The following IPO7 variants were observed in gnomAD, a reference collection of about 807,000 sequenced individuals.
IPO7 encodes the protein importin-7.
A neutral mutation model predicts 136.4 loss-of-function variants in IPO7; 13 were observed. The ratio of observed to expected loss-of-function variants is 0.10; its 90% CI spans 0.06 to 0.15. The LOEUF is 0.15. IPO7 is among the 10% of genes least tolerant of loss of function. IPO7 has a pLI of 1.00. For missense variants in IPO7, 857 were observed against 1,240.6 expected (o/e 0.69, Z 4.65); for synonymous variants, 403 against 404.4 (o/e 1.00, Z 0.04).
intron 5 of IPO7, chr11:9,414,632 T>TTTTA (rs1855015358): frequency 3.5e-6 from 1 of 283,646 alleles, no homozygotes; most frequent in Non-Finnish European, 6.3e-6. Flanking sequence ...TTTTTTTTTT[T>TTTTA]TTTTTTTTTT....
At position 9,384,726 on chromosome 11, in the gene IPO7, A is replaced by G; in HGVS notation, c.-38A>G. On this transcript the variant is annotated 5_prime_UTR_variant, in exon 1 of 25. Transcript: ENST00000379719. The stretch of plus-strand genomic sequence containing the variant: ...TGAGTGGCGCTATTCCTGGCCCAGT[A>G]GCACCCGAGCCCCGGGTTTGACCGA... 1.3e-6 allele frequency: 2 copies of G among 1,524,618 alleles called. No homozygotes were observed. The highest frequency in any genetic ancestry group is 1.8e-6 in the Non-Finnish European group (2 of 1,120,848). The allele number at this position is 1,524,618 out of a possible 1,614,324, so 94.4% of individuals were successfully genotyped here.
chr11:9,385,953 T>C (rs1854546850), intron 1 of IPO7, among the ~76,000 whole-genome samples: 1 of 152,264 alleles, frequency 6.6e-6, no homozygotes, highest in African/African-American at 2.4e-5. Flanking sequence ...TACTGAACTT[T>C]AGTGTACATT....
chr11:9,431,374 A>G (rs1300497410), intron 16 of IPO7, among the ~76,000 whole-genome samples: 2 of 152,028 alleles, frequency 1.3e-5, no homozygotes, highest in African/African-American at 4.8e-5. Flanking sequence ...AATATTAAGT[A>G]TATTCACATT....
At chr11:9,404,448 G>C (rs1271058601) in intron 2 of IPO7, among the ~76,000 whole-genome samples, 2 of 151,644 alleles carry the variant, frequency 1.3e-5, no homozygotes, top group Non-Finnish European at 2.9e-5. Flanking sequence ...CTGAGCAACA[G>C]AGTGAGAGAC....
intron 8 of IPO7, among the ~76,000 whole-genome samples, chr11:9,422,756 G>A (rs888025703): frequency 1.2e-4 from 18 of 152,012 alleles, no homozygotes; most frequent in Non-Finnish European, 2.6e-4. Context: ...GAGACCAGCC[G>A]GGGCAACGTA....
Position 9,447,543 on chromosome 11 carries a change from CTT to C in IPO7, c.*2353_*2354del, listed in dbSNP as rs1403563131. On this transcript the variant is annotated 3_prime_UTR_variant, in exon 25 of 25. Coordinates refer to ENST00000379719, the MANE Select transcript of IPO7 (RefSeq NM_006391.3). ...ATGAGGCTGCAGGATTTTTGGAAAACTTTTTGAATGTATTTACAATATTCTCT... is the reference window on the plus strand; with the variant it reads ...ATGAGGCTGCAGGATTTTTGGAAAACTTTGAATGTATTTACAATATTCTCT... 1 of 152,096 alleles carries C rather than the reference CTT, an allele frequency of 6.6e-6. No individual in the cohort carries two copies. The highest frequency in any genetic ancestry group is 1.5e-5 in the Non-Finnish European group (1 of 68,016). The allele number at this position is 152,096 out of a possible 1,614,324, so 9.4% of individuals were successfully genotyped here.
At chr11:9,437,617 T>C in intron 20 of IPO7, 137 bp from the exon 21 acceptor site, 1 of 658,370 alleles carries the variant, frequency 1.5e-6, no homozygotes, top group South Asian at 2.0e-5. Context: ...GATTTCCCAG[T>C]GCAGTGCCTC....
intron 20 of IPO7, among the ~76,000 whole-genome samples, chr11:9,436,920 C>G (rs1180443233): frequency 8.4e-6 from 1 of 119,446 alleles, no homozygotes; most frequent in Non-Finnish European, 1.6e-5. Flanking sequence ...CTGTCTCGCC[C>G]TGTCGCCTAG....
chr11:9,396,993 C>T (rs1221077281), intron 1 of IPO7, among the ~76,000 whole-genome samples: 3 of 151,934 alleles, frequency 2.0e-5, no homozygotes, highest in African/African-American at 4.8e-5. Context: ...CCGTGATACT[C>T]TTCCTATTCA....
intron 1 of IPO7, among the ~76,000 whole-genome samples, chr11:9,385,756 C>G (rs1018268312): frequency 1.3e-5 from 2 of 152,034 alleles, no homozygotes; most frequent in Admixed American, 6.6e-5. Flanking sequence ...TTGTGGGGAC[C>G]GCTCCTTGGA....
chr11:9,394,400 CT>C (rs67272434), intron 1 of IPO7, among the ~76,000 whole-genome samples: 151,727 of 152,278 alleles, frequency 1, 75,593 homozygotes, highest in Middle Eastern at 1. Flanking sequence ...AGCAGGGAAG[CT>C]TGGCTGTATA....
intron 22 of IPO7, 65 bp downstream of exon 22, chr11:9,438,350 GGC>G (rs1855412863): frequency 9.7e-7 from 1 of 1,031,336 alleles, no homozygotes. Flanking sequence ...CACTGGGCCG[GGC>G]GCAGTGGCTC....
At position 9,433,111 on chromosome 11, in the gene IPO7, A is replaced by G. The variant is rs537461714; in HGVS notation, c.1882-459A>G. ...GCAATTCTCCTGCCTCAGCTTCCCA[A>G]GTAGCTGGGATTACAGGCACCCGCC... On this transcript the variant is annotated intron_variant, in intron 16 of 24. Transcript: ENST00000379719. 1.6e-3 allele frequency: 250 copies of G among 154,288 alleles called. 1 individual carries two copies. The highest frequency in any genetic ancestry group is 2.4e-3 in the Non-Finnish European group (168 of 69,882). The allele number at this position is 154,288 out of a possible 1,614,324, so 9.6% of individuals were successfully genotyped here.
intron 17 of IPO7, 37 bp downstream of exon 17, chr11:9,433,673 A>G (rs777418825): frequency 3.1e-6 from 5 of 1,612,764 alleles, no homozygotes; most frequent in Non-Finnish European, 3.4e-6. Flanking sequence ...ATTTAGTGCT[A>G]TTTCACATGA....
chr11:9,384,857 C>G lies in IPO7; in HGVS notation c.84+10C>G. On this transcript the variant is annotated intron_variant, in intron 1 of 24. Transcript: ENST00000379719. ...GCGCCAGCTCAATGAAGTAAGGACG[C>G]CCGGCTAGCGGTGGCGGCGGGCAGG... 4.4e-6 allele frequency: 7 copies of G among 1,586,884 alleles called. No homozygotes were observed. Among genetic ancestry groups the G allele is most frequent in the Non-Finnish European group, 6.0e-6 (7 of 1,166,322 alleles).
intron 23 of IPO7, among the ~76,000 whole-genome samples, chr11:9,440,924 T>TC (rs1855452547): frequency 6.6e-6 from 1 of 152,236 alleles, no homozygotes; most frequent in Non-Finnish European, 1.5e-5. Context: ...AGTGCCTCTT[T>TC]GCTACTTCTG....
At chr11:9,409,234 G>A (rs553323890) in intron 3 of IPO7, among the ~76,000 whole-genome samples, 2 of 151,394 alleles carry the variant, frequency 1.3e-5, no homozygotes, top group East Asian at 1.9e-4. Flanking sequence ...TCAGTCTCCC[G>A]AGTAGCTGGG....
rs533451820 is a variant in IPO7, at chr11:9,435,279, A to G, written c.2172+248A>G. 1.7e-4 allele frequency among the ~76,000 whole-genome samples: 11 copies of G among 65,874 alleles called. No individual in the cohort carries two copies. The South Asian group carries it at 2.9e-3, about 17-fold the overall frequency. The allele number at this position is 65,874 out of a possible 152,430, so 43.2% of individuals were successfully genotyped here. A position where few individuals can be genotyped will look rare whatever the true frequency, so the allele number is the denominator to read the frequency against. On this transcript the variant is annotated intron_variant, in intron 19 of 24. Coordinates refer to ENST00000379719, the MANE Select transcript of IPO7 (RefSeq NM_006391.3). ...TTAGAGTGCCCGGAGTTTAACTAAC[A>G]TAGTCTTATGGAATCAAAAGAAGGA...
intron 15 of IPO7, 149 bp downstream of exon 15, chr11:9,429,983 G>T (rs767986696): frequency 3.5e-6 from 2 of 573,458 alleles, no homozygotes; most frequent in African/African-American, 3.8e-5. Flanking sequence ...TTTTTCCACA[G>T]ATGGTCCGGG....
Sources: gnomAD v4.1 joint callset for allele counts (sites outside exome capture counted in the v4.1 genomes callset) on GRCh38, gnomAD v4.1.1 for gene constraint, MANE v1.5 for transcripts, NCBI Gene and HGNC (gene_info 2026-07-23, HGNC 2026-07-21) for gene names.